Variants in SRL observed in about 807,000 individuals in gnomAD.
The protein encoded by SRL is sarcalumenin.
In SRL, 23 loss-of-function variants were observed where a neutral mutation model predicts 39.5. That is an observed-to-expected ratio of 0.58 (90% CI 0.42 to 0.82). SRL has a LOEUF of 0.82. Ranked by LOEUF, SRL falls within the 40% of genes least tolerant of loss-of-function variation. The probability of loss-of-function intolerance (pLI) is 0.00; values close to 1 mark genes in which losing one functional copy is unlikely to be tolerated. For missense variants in SRL, 592 were observed against 607.8 expected (o/e 0.97, Z 0.27); for synonymous variants, 272 against 237.4 (o/e 1.15, Z -1.34).
Position 4,208,233 on chromosome 16 carries a change from C to T in SRL, c.62-3599G>A, listed in dbSNP as rs574919898. 699 of 354,874 alleles carry T rather than the reference C, an allele frequency of 2.0e-3. 5 individuals are homozygous for T. Among genetic ancestry groups the T allele is most frequent in the African/African-American group, 0.014 (656 of 46,678 alleles). The allele number at this position is 354,874 out of a possible 1,614,324, so 22.0% of individuals were successfully genotyped here. On this transcript the variant is annotated intron_variant, in intron 1 of 5. Transcript: ENST00000399609. The stretch of plus-strand genomic sequence containing the variant: ...GGCCTGGTGTGCAGTGTTACGCCCA[C>T]CAACCTGGGTCTTCAGGACTACCTC...
intron 1 of SRL, chr16:4,207,954 G>A (rs563820100): frequency 1.5e-4 from 69 of 456,734 alleles, no homozygotes; most frequent in South Asian, 1.0e-3. Context: ...CCTGCCATCT[G>A]GGTAGTGAAG....
At chr16:4,210,862 T>A (rs2052384321) in intron 1 of SRL, among the ~76,000 whole-genome samples, 1 of 152,176 alleles carries the variant, frequency 6.6e-6, no homozygotes, top group Non-Finnish European at 1.5e-5. Flanking sequence ...AGCTAATAAC[T>A]GGCTTGGGCC....
At chr16:4,207,148 T>C (rs895843269) in intron 1 of SRL, 5 of 456,688 alleles carry the variant, frequency 1.1e-5, no homozygotes, top group Admixed American at 7.0e-5. Flanking sequence ...TCTTCTGAGC[T>C]AGCCCCATCG....
intron 1 of SRL, 45 bp from the exon 2 acceptor site, chr16:4,204,679 C>CTGTT: frequency 6.4e-7 from 1 of 1,570,006 alleles, no homozygotes; most frequent in Non-Finnish European, 8.8e-7. Context: ...AGCTAACAGC[C>CTGTT]AGCTGAGCTC....
At chr16:4,202,319 A>C (rs975499569) in intron 3 of SRL, among the ~76,000 whole-genome samples, 23 of 152,088 alleles carry the variant, frequency 1.5e-4, no homozygotes, top group Non-Finnish European at 3.2e-4. Flanking sequence ...GTCGGCTGGG[A>C]GCGGTGGCTC....
chr16:4,209,840 C>G (rs2052371046), intron 1 of SRL, among the ~76,000 whole-genome samples: 4 of 152,186 alleles, frequency 2.6e-5, no homozygotes, highest in Admixed American at 2.0e-4. Context: ...GATCTTTGCC[C>G]TGCCCTAGAT....
intron 1 of SRL, among the ~76,000 whole-genome samples, chr16:4,206,045 A>G (rs2052314492): frequency 6.6e-6 from 1 of 151,860 alleles, no homozygotes. Context: ...TGAAAGCCCC[A>G]CTCCTGGTCT....
At chr16:4,230,963 T>C (rs941147478) in intron 1 of SRL, among the ~76,000 whole-genome samples, 5 of 152,180 alleles carry the variant, frequency 3.3e-5, no homozygotes, top group Admixed American at 1.3e-4. Context: ...TCAAAGGGAA[T>C]GTGGCCCTGC....
chr16:4,206,032 C>T (rs1239374905), intron 1 of SRL, among the ~76,000 whole-genome samples: 1 of 152,162 alleles, frequency 6.6e-6, no homozygotes, highest in Non-Finnish European at 1.5e-5. Context: ...TCGACCTCTA[C>T]CCTGAAAGCC....
intron 1 of SRL, chr16:4,207,468 C>A (rs1247562510): frequency 2.2e-6 from 1 of 456,846 alleles, no homozygotes. Context: ...AGGCTCCTCG[C>A]CAGGCCCAGG....
intron 1 of SRL, among the ~76,000 whole-genome samples, chr16:4,222,984 C>T (rs577833626): frequency 6.6e-6 from 1 of 152,142 alleles, no homozygotes; most frequent in Admixed American, 6.5e-5. Context: ...AATCCCAGCA[C>T]TTTGGGAGGC....
At chr16:4,203,485 C>T (rs756134526) in intron 2 of SRL, among the ~76,000 whole-genome samples, 1 of 152,180 alleles carries the variant, frequency 6.6e-6, no homozygotes, top group Non-Finnish European at 1.5e-5. Context: ...CTACCCACCC[C>T]CAAAGCTTCC....
intron 1 of SRL, among the ~76,000 whole-genome samples, chr16:4,215,064 G>A (rs555742313): frequency 1.8e-4 from 28 of 152,240 alleles, no homozygotes; most frequent in African/African-American, 6.7e-4. Context: ...CACTGCACCC[G>A]GCCTCTTCCA....
At chr16:4,200,423 G>C (rs761657803) in intron 3 of SRL, among the ~76,000 whole-genome samples, 5 of 152,210 alleles carry the variant, frequency 3.3e-5, no homozygotes, top group Non-Finnish European at 5.9e-5. Flanking sequence ...GGCACCGCTG[G>C]CCTATACAGG....
chr16:4,197,929 G>A lies in SRL; in HGVS notation c.260-14C>T. 9 of 1,561,724 alleles carry A rather than the reference G, an allele frequency of 5.8e-6. No individual in the cohort carries two copies. Among genetic ancestry groups the A allele is most frequent in the Non-Finnish European group, 7.9e-6 (9 of 1,132,172 alleles). On this transcript the variant is annotated splice_polypyrimidine_tract_variant and intron_variant, in intron 3 of 5. Coordinates refer to ENST00000399609, the MANE Select transcript of SRL (RefSeq NM_001098814.2). ...TAATCTCTCCATCTGTGGGCAACAG[G>A]AAGTAGAAATGGAATAAAACTAACA...
In SRL at chr16:4,240,522, G is replaced by A. The variant is rs147171624; in HGVS notation, c.61+1485C>T. On this transcript the variant is annotated intron_variant, in intron 1 of 5. Coordinates refer to ENST00000399609, the MANE Select transcript of SRL (RefSeq NM_001098814.2). ...AAGCTTTACGCCGGAGGTTGGGCCA[G>A]GGGCAGACGCACGCTGTGGGACCCA... is the stretch of plus-strand genomic sequence containing the variant. 5.9e-5 allele frequency among the ~76,000 whole-genome samples: 9 copies of A among 152,266 alleles called. No individual in the cohort carries two copies. The East Asian group carries it at 1.7e-3, about 29-fold the overall frequency.
intron 1 of SRL, among the ~76,000 whole-genome samples, chr16:4,235,322 G>C (rs1284011627): frequency 2.6e-5 from 4 of 152,176 alleles, no homozygotes; most frequent in Non-Finnish European, 4.4e-5. Flanking sequence ...GACACGAGAG[G>C]GCACAGGCCT....
At position 4,204,600 on chromosome 16, in the gene SRL, C is replaced by T. The variant is rs754097481; in HGVS notation, c.96G>A (p.Leu32=). Residue 32 remains leucine (L), a synonymous_variant, in exon 2 of 6, where the codon TTG becomes TTA. Transcript: ENST00000399609. ...ETEDANEEAP[L]RDRSHIEKTL... ...TCTTCTCGATGTGGGAGCGGTCCCT[C>T]AATGGGGCTTCTTCATTTGCATCCT... is the stretch of plus-strand genomic sequence containing the variant. 1.2e-6 allele frequency: 2 copies of T among 1,614,206 alleles called. No homozygotes were observed. The highest frequency in any genetic ancestry group is 1.7e-6 in the Non-Finnish European group (2 of 1,180,036).
At chr16:4,236,143 G>A (rs980548816) in intron 1 of SRL, among the ~76,000 whole-genome samples, 7 of 152,184 alleles carry the variant, frequency 4.6e-5, no homozygotes, top group African/African-American at 1.7e-4. Flanking sequence ...CTGCTTTTAA[G>A]TTACTGTTGC....
Sources: allele counts gnomAD v4.1 joint callset (sites outside exome capture counted in the v4.1 genomes callset), GRCh38; gene constraint gnomAD v4.1.1; transcripts MANE v1.5; gene names NCBI Gene and HGNC (gene_info 2026-07-23, HGNC 2026-07-21).